The following PDZRN3 variants were observed in gnomAD, a reference collection of about 807,000 sequenced individuals.
PDZRN3 encodes the protein E3 ubiquitin-protein ligase PDZRN3.
PDZRN3 carries 38 observed loss-of-function variants against 85.7 expected under a neutral mutation model. The observed-to-expected ratio is 0.44, with a 90% confidence interval of 0.34 to 0.58. The LOEUF (loss-of-function observed/expected upper bound fraction) is 0.58, where lower values mean the gene tolerates loss of function less well. PDZRN3 is among the 20% of genes least tolerant of loss of function. The pLI, the probability that PDZRN3 is intolerant of heterozygous loss-of-function variation, is 0.01. For missense variants in PDZRN3, 1,629 were observed against 1,506.4 expected (o/e 1.08, Z -1.35); for synonymous variants, 759 against 638.0 (o/e 1.19, Z -2.86).
At chr3:73,465,847 A>C (rs915501584) in intron 3 of PDZRN3, among the ~76,000 whole-genome samples, 1 of 152,224 alleles carries the variant, frequency 6.6e-6, no homozygotes. Context: ...GGATTCATTT[A>C]TCTCTCTTTT....
chr3:73,503,121 C>T (rs1436533996), intron 3 of PDZRN3, among the ~76,000 whole-genome samples: 1 of 152,156 alleles, frequency 6.6e-6, no homozygotes, highest in African/African-American at 2.4e-5. Context: ...AAAATTTTAA[C>T]ATTTTACTAA....
chr3:73,466,856 T>C (rs911766735), intron 3 of PDZRN3, among the ~76,000 whole-genome samples: 11 of 152,208 alleles, frequency 7.2e-5, no homozygotes, highest in African/African-American at 2.7e-4. Context: ...AGGCAGAATG[T>C]ATGCAAATTT....
At chr3:73,533,135 G>C (rs1163899283) in intron 3 of PDZRN3, among the ~76,000 whole-genome samples, 1 of 152,130 alleles carries the variant, frequency 6.6e-6, no homozygotes, top group African/African-American at 2.4e-5. Context: ...ACATCAAATG[G>C]ATCAGAAATG....
At chr3:73,444,683 T>A (rs6549541) in intron 3 of PDZRN3, among the ~76,000 whole-genome samples, 4 of 152,146 alleles carry the variant, frequency 2.6e-5, no homozygotes, top group African/African-American at 7.2e-5. Flanking sequence ...CTGTAGAGAG[T>A]GGAGGTAGTG....
At chr3:73,533,048 T>C (rs926575983) in intron 3 of PDZRN3, among the ~76,000 whole-genome samples, 1 of 152,248 alleles carries the variant, frequency 6.6e-6, no homozygotes, top group African/African-American at 2.4e-5. Context: ...AATGGGTCTT[T>C]ACGTCCATAG....
chr3:73,407,970 G>T, intron 3 of PDZRN3: 1 of 594,400 alleles, frequency 1.7e-6, no homozygotes, highest in Admixed American at 3.0e-5. Context: ...GGACTTTGGG[G>T]TGACTGAGAA....
intron 3 of PDZRN3, among the ~76,000 whole-genome samples, chr3:73,490,244 T>A (rs190045508): frequency 3.9e-5 from 6 of 152,210 alleles, no homozygotes; most frequent in Admixed American, 2.6e-4. Flanking sequence ...GAGCACCCCA[T>A]ACAGAATGCT....
In PDZRN3 at chr3:73,497,622, C is replaced by T. The variant is rs368589520; in HGVS notation, c.919-93227G>A. ...AAACGTATATAAAAGTAGAGGACAG[C>T]GTCCTGAAACTCTACGTACCCATCA... is the stretch of plus-strand genomic sequence containing the variant. On this transcript the variant is annotated intron_variant, in intron 3 of 9. Coordinates refer to ENST00000263666, the MANE Select transcript of PDZRN3 (RefSeq NM_015009.3). Among the ~76,000 whole-genome samples, 131 of 152,304 alleles carry T rather than the reference C, an allele frequency of 8.6e-4. 1 individual carries two copies. The highest frequency in any genetic ancestry group is 3.1e-3 in the African/African-American group (127 of 41,556).
intron 3 of PDZRN3, among the ~76,000 whole-genome samples, chr3:73,587,759 G>A (rs1702297930): frequency 6.6e-6 from 1 of 152,068 alleles, no homozygotes; most frequent in African/African-American, 2.4e-5. Flanking sequence ...AAGTCAGGGA[G>A]CACTTCACTT....
At position 73,384,285 on chromosome 3, in the gene PDZRN3, C is replaced by T. The variant is rs1189732803; in HGVS notation, c.2281G>A (p.Gly761Ser). The change falls in exon 10 of 10, where the codon GGC becomes AGC. Residue 761 changes from glycine to serine, a missense_variant. Gly to Ser is a moderately conservative substitution (Grantham distance 56, BLOSUM62 0). Transcript: ENST00000263666. ...DKDSSSAYNT[G>S]ESCRSTPLTL... is the part of the protein sequence containing the mutation. The stretch of plus-strand genomic sequence containing the variant: ...AGCGGGGTGCTGCGGCAGCTCTCGC[C>T]TGTGTTGTAGGCGCTCGAGCTGTCC... 1.2e-6 allele frequency: 2 copies of T among 1,612,956 alleles called. No individual in the cohort carries two copies. Among genetic ancestry groups the T allele is most frequent in the African/African-American group, 1.3e-5 (1 of 74,940 alleles).
At chr3:73,518,723 A>T (rs971607835) in intron 3 of PDZRN3, among the ~76,000 whole-genome samples, 1 of 152,154 alleles carries the variant, frequency 6.6e-6, no homozygotes, top group Admixed American at 6.5e-5. Flanking sequence ...TTCCCAGTTC[A>T]TAGATGTTGC....
At chr3:73,521,538 C>T (rs1704365726) in intron 3 of PDZRN3, among the ~76,000 whole-genome samples, 1 of 152,076 alleles carries the variant, frequency 6.6e-6, no homozygotes, top group Non-Finnish European at 1.5e-5. Flanking sequence ...TAGCCTGCTA[C>T]AAGATACTGA....
At chr3:73,527,367 A>T (rs1704549008) in intron 3 of PDZRN3, among the ~76,000 whole-genome samples, 1 of 152,210 alleles carries the variant, frequency 6.6e-6, no homozygotes. Context: ...AGATCTTATC[A>T]ATTCAATATT....
chr3:73,570,587 C>A (rs1389666091), intron 3 of PDZRN3, among the ~76,000 whole-genome samples: 2 of 152,202 alleles, frequency 1.3e-5, no homozygotes, highest in Non-Finnish European at 2.9e-5. Context: ...AAGGAATCCT[C>A]TCTAAGATAA....
intron 3 of PDZRN3, among the ~76,000 whole-genome samples, chr3:73,558,302 T>C (rs1246140847): frequency 6.6e-6 from 1 of 152,126 alleles, no homozygotes. Flanking sequence ...ATATGAATCT[T>C]AAATGTCCTA....
At chr3:73,610,860 A>C (rs1469860286) in intron 1 of PDZRN3, among the ~76,000 whole-genome samples, 1 of 152,260 alleles carries the variant, frequency 6.6e-6, no homozygotes, top group Non-Finnish European at 1.5e-5. Context: ...ATTGACAATG[A>C]TAACAGCTAA....
At chr3:73,415,347 G>A (rs1211543704) in intron 3 of PDZRN3, among the ~76,000 whole-genome samples, 1 of 152,236 alleles carries the variant, frequency 6.6e-6, no homozygotes, top group Non-Finnish European at 1.5e-5. Context: ...GTGCACGTGA[G>A]TGGGGTGCAG....
rs115132708 is a variant in PDZRN3, at chr3:73,396,819, C to T, written c.1254+4103G>A. The stretch of plus-strand genomic sequence containing the variant: ...CCTTCTTTGGGCATGTATTTTCTTT[C>T]TTAATTGCCTACAGGAAGATGTAGA... On this transcript the variant is annotated intron_variant, in intron 5 of 9. Transcript: ENST00000263666. Among the ~76,000 whole-genome samples, 415 of 152,254 alleles carry T rather than the reference C, an allele frequency of 2.7e-3. 1 individual carries two copies. The highest frequency in any genetic ancestry group is 9.6e-3 in the African/African-American group (400 of 41,548).
At chr3:73,559,181 A>T (rs1701764693) in intron 3 of PDZRN3, among the ~76,000 whole-genome samples, 1 of 152,170 alleles carries the variant, frequency 6.6e-6, no homozygotes, top group Non-Finnish European at 1.5e-5. Context: ...GTTTGGAATT[A>T]ATATTATGCC....
Sources: allele counts gnomAD v4.1 joint callset (sites outside exome capture counted in the v4.1 genomes callset), GRCh38; gene constraint gnomAD v4.1.1; transcripts MANE v1.5; gene names NCBI Gene and HGNC (gene_info 2026-07-23, HGNC 2026-07-21).